The following KCNIP4 variants were observed in gnomAD, a reference collection of about 807,000 sequenced individuals.
KCNIP4 encodes the protein potassium voltage-gated channel interacting protein 4, also known as Kv channel-interacting protein 4.
KCNIP4 carries 12 observed loss-of-function variants against 34.0 expected under a neutral mutation model. The observed-to-expected ratio is 0.35, with a 90% CI of 0.23 to 0.57. The LOEUF (loss-of-function observed/expected upper bound fraction) is 0.57. KCNIP4 is among the 20% of genes least tolerant of loss of function. The pLI, the probability that KCNIP4 is intolerant of heterozygous loss-of-function variation, is 0.83. For synonymous variants in KCNIP4, 124 were observed against 102.2 expected (o/e 1.21, Z -1.29); for missense variants, 238 against 311.7 (o/e 0.76, Z 1.78).
chr4:20,815,136 GT>G (rs1716223331), intron 3 of KCNIP4, among the ~76,000 whole-genome samples: 1 of 152,116 alleles, frequency 6.6e-6, no homozygotes, highest in African/African-American at 2.4e-5. Flanking sequence ...TATATCAGCT[GT>G]TTTTTCATTC....
intron 1 of KCNIP4, among the ~76,000 whole-genome samples, chr4:21,058,938 G>A (rs778723402): frequency 5.9e-5 from 9 of 152,098 alleles, no homozygotes; most frequent in African/African-American, 9.7e-5. Flanking sequence ...TGTCATGGGA[G>A]AGACCCAGTG....
intron 2 of KCNIP4, among the ~76,000 whole-genome samples, chr4:20,876,849 G>C (rs137910780): frequency 0.036 from 5,439 of 152,274 alleles, 98 homozygotes; most frequent in African/African-American, 0.053. Flanking sequence ...TGGGATTACA[G>C]GCGTGAGCCA....
chr4:21,480,798 A>G (rs376458306), intron 1 of KCNIP4, among the ~76,000 whole-genome samples: 97 of 152,340 alleles, frequency 6.4e-4, no homozygotes, highest in Middle Eastern at 3.4e-3. Context: ...ATGAAAATAC[A>G]TAAATATTCC....
chr4:21,703,834 C>CA lies in KCNIP4; in HGVS notation c.61+244736dup, dbSNP rs1015603246. Among the ~76,000 whole-genome samples the CA allele has an allele frequency of 3.5e-4, 53 of 151,858 alleles. 1 individual carries two copies. Among genetic ancestry groups the CA allele is most frequent in the Admixed American group, 2.0e-4 (3 of 15,222 alleles). On this transcript the variant is annotated intron_variant, in intron 1 of 8. Transcript: ENST00000382152. Reference sequence around the variant, plus strand: ...CTTTTCGATCATAGACAAGATTTTTCAAAAAAATGTATATAGATGTACAAA... The same window carrying CA: ...CTTTTCGATCATAGACAAGATTTTTCAAAAAAAATGTATATAGATGTACAAA...
At chr4:21,907,730 AT>A (rs918058519) in intron 1 of KCNIP4, among the ~76,000 whole-genome samples, 1 of 152,056 alleles carries the variant, frequency 6.6e-6, no homozygotes, top group Non-Finnish European at 1.5e-5. Context: ...ATTTTTAAAT[AT>A]TTTTTCCATG....
intron 1 of KCNIP4, among the ~76,000 whole-genome samples, chr4:21,892,402 T>C (rs1055233293): frequency 6.6e-5 from 10 of 151,974 alleles, no homozygotes; most frequent in African/African-American, 1.4e-4. Context: ...AGTTAGTGAC[T>C]GTTGTAGAAC....
chr4:20,916,985 T>TTTTATA (rs1560568123), intron 1 of KCNIP4, among the ~76,000 whole-genome samples: 5 of 41,388 alleles, frequency 1.2e-4, no homozygotes, highest in Non-Finnish European at 1.7e-4. Context: ...CATCTTATGT[T>TTTTATA]TATATATATA....
intron 1 of KCNIP4, among the ~76,000 whole-genome samples, chr4:21,044,514 G>A (rs1742266595): frequency 6.6e-6 from 1 of 152,080 alleles, no homozygotes; most frequent in South Asian, 2.1e-4. Flanking sequence ...GTTTCACCAT[G>A]TTGGCCAGGA....
chr4:21,688,093 T>C (rs896540422), intron 1 of KCNIP4, among the ~76,000 whole-genome samples: 6 of 152,204 alleles, frequency 3.9e-5, no homozygotes, highest in Non-Finnish European at 8.8e-5. Flanking sequence ...TTATTTATGA[T>C]ATCCTCTCAC....
chr4:21,811,568 G>A (rs1721655606), intron 1 of KCNIP4, among the ~76,000 whole-genome samples: 2 of 152,172 alleles, frequency 1.3e-5, no homozygotes, highest in African/African-American at 4.8e-5. Context: ...TTCCACTCAT[G>A]TTGTGATGGG....
chr4:21,666,000 C>CA (rs1444090518), intron 1 of KCNIP4, among the ~76,000 whole-genome samples: 1 of 152,154 alleles, frequency 6.6e-6, no homozygotes, highest in Non-Finnish European at 1.5e-5. Flanking sequence ...CTATTAATTT[C>CA]AAAAAATCAG....
rs185348842 is a variant in KCNIP4 at position 21,389,894 on chromosome 4, T to C, written c.62-507185A>G. Among the ~76,000 whole-genome samples, 678 of 152,136 alleles carry C rather than the reference T, an allele frequency of 4.5e-3. 7 individuals are homozygous for C. The highest frequency in any genetic ancestry group is 0.015 in the African/African-American group (636 of 41,516). On this transcript the variant is annotated intron_variant, in intron 1 of 8. Coordinates refer to ENST00000382152, the MANE Select transcript of KCNIP4 (RefSeq NM_025221.6). ...ATCGCCACACTGTCTTCCACAATGA[T>C]TGAACTAGTTTACAGTCCCCCCAAC... is the stretch of plus-strand genomic sequence containing the variant.
At chr4:21,916,255 C>A (rs1421934646) in intron 1 of KCNIP4, among the ~76,000 whole-genome samples, 1 of 152,096 alleles carries the variant, frequency 6.6e-6, no homozygotes, top group East Asian at 1.9e-4. Context: ...TAGAATTTAG[C>A]CAATAAAAAT....
chr4:20,733,069 A>ATGTT (rs1748730389), intron 6 of KCNIP4, among the ~76,000 whole-genome samples: 1 of 152,192 alleles, frequency 6.6e-6, no homozygotes, highest in South Asian at 2.1e-4. Context: ...TGCTGGCTTA[A>ATGTT]TGTTTGGATT....
intron 1 of KCNIP4, among the ~76,000 whole-genome samples, chr4:21,079,034 T>A (rs1416243568): frequency 6.6e-6 from 1 of 152,068 alleles, no homozygotes; most frequent in Non-Finnish European, 1.5e-5. Context: ...TTGTGGTTCA[T>A]ATTAGCCACT....
At position 21,157,056 on chromosome 4, in the gene KCNIP4, A is replaced by C. The variant is rs552353894; in HGVS notation, c.62-274347T>G. ...CTGAGTAATCAGAACTGCTTGGATC[A>C]GAACATGACCTCTTCGGCCTTGAGT... On this transcript the variant is annotated intron_variant, in intron 1 of 8. Coordinates refer to ENST00000382152, the MANE Select transcript of KCNIP4 (RefSeq NM_025221.6). Among the ~76,000 whole-genome samples, 8 of 152,284 alleles carry C rather than the reference A, an allele frequency of 5.3e-5. 1 individual carries two copies. Among genetic ancestry groups the C allele is most frequent in the Admixed American group, 5.2e-4 (8 of 15,286 alleles).
chr4:20,884,194 G>T (rs955227021), intron 1 of KCNIP4, among the ~76,000 whole-genome samples: 9 of 152,166 alleles, frequency 5.9e-5, no homozygotes, highest in African/African-American at 2.2e-4. Flanking sequence ...TCATTTCCTA[G>T]ATTAGTATCT....
rs943314418 is a variant in KCNIP4 at position 21,125,048 on chromosome 4, C to T, written c.62-242339G>A. Reference sequence around the variant, plus strand: ...TAAGTCCTGAATGATGCCTCTGCCCCTACCTTTTGCTCCAGAGAAGCCTCC... The same window carrying T: ...TAAGTCCTGAATGATGCCTCTGCCCTTACCTTTTGCTCCAGAGAAGCCTCC... On this transcript the variant is annotated intron_variant, in intron 1 of 8. Transcript: ENST00000382152. Among the ~76,000 whole-genome samples the T allele has an allele frequency of 1.5e-4, 22 of 150,908 alleles. 1 individual carries two copies. Among genetic ancestry groups the T allele is most frequent in the Non-Finnish European group, 2.9e-5 (2 of 67,844 alleles).
chr4:21,406,237 A>G (rs1279611627), intron 1 of KCNIP4, among the ~76,000 whole-genome samples: 1 of 152,212 alleles, frequency 6.6e-6, no homozygotes, highest in East Asian at 1.9e-4. Context: ...TGGCTGAGGA[A>G]AGGGAAACTT....
Sources: gnomAD v4.1 joint callset for allele counts (sites outside exome capture counted in the v4.1 genomes callset) on GRCh38, gnomAD v4.1.1 for gene constraint, MANE v1.5 for transcripts, NCBI Gene and HGNC (gene_info 2026-07-23, HGNC 2026-07-21) for gene names.